The following ZNF624 variants were observed in gnomAD, a reference collection of about 807,000 sequenced individuals.
ZNF624 encodes zinc finger protein 624.
In ZNF624, 43 loss-of-function variants were observed where a neutral mutation model predicts 74.7. The ratio of observed to expected loss-of-function variants is 0.58; its 90% confidence interval spans 0.45 to 0.74. The LOEUF is 0.74. ZNF624 is among the 30% of genes least tolerant of loss of function. The pLI is 0.00. For synonymous variants in ZNF624, 331 were observed against 341.3 expected, an observed-to-expected ratio of 0.97 and a Z score of 0.33; for missense variants, 820 against 1,030.0, an observed-to-expected ratio of 0.80 and a Z score of 2.79.
chr17:16,647,513 G>A (rs1357537100), intron 2 of ZNF624, 119 bp from the exon 3 acceptor site: 9 of 747,564 alleles, frequency 1.2e-5, no homozygotes, highest in Non-Finnish European at 2.4e-6. Flanking sequence ...CTCACCTACT[G>A]TTTTACTTAG....
intron 5 of ZNF624, among the ~76,000 whole-genome samples, chr17:16,632,353 A>T (rs1316007005): frequency 6.6e-6 from 1 of 152,200 alleles, no homozygotes; most frequent in Non-Finnish European, 1.5e-5. Context: ...TCTCTCCATT[A>T]AGGCAATCCT....
the ZNF624 span, among the ~76,000 whole-genome samples, chr17:16,615,434 A>T: frequency 1.3e-5 from 2 of 152,198 alleles, no homozygotes; most frequent in African/African-American, 2.4e-5. Context: ...CATTCTGGAG[A>T]TGGATAGTTG....
intron 5 of ZNF624, among the ~76,000 whole-genome samples, chr17:16,627,831 T>C (rs1326198785): frequency 6.6e-6 from 1 of 152,222 alleles, no homozygotes; most frequent in South Asian, 2.1e-4. Context: ...AAGATTGTTA[T>C]AGTCCCTAGC....
downstream of ZNF624, among the ~76,000 whole-genome samples, chr17:16,619,783 C>G (rs1908863738): frequency 6.6e-6 from 1 of 152,238 alleles, no homozygotes; most frequent in Non-Finnish European, 1.5e-5. Context: ...CATTCCTCTT[C>G]TTGAGGCGTT....
At position 16,623,621 on chromosome 17, in the gene ZNF624, CCA is replaced by C; in HGVS notation, c.1263_1264del (p.Cys421TrpfsTer5). 6.2e-7 allele frequency: 1 copy of C among 1,610,998 alleles called. No homozygotes were observed. Among genetic ancestry groups the C allele is most frequent in the Non-Finnish European group, 8.5e-7 (1 of 1,178,988 alleles). ...ATATGACTTGTTCCTAAAGGCTTTC[CCA>C]CAATCATCACATTTGTAGGGTTTCT... On this transcript the variant is annotated frameshift_variant, in exon 6 of 6. Coordinates refer to ENST00000311331, the MANE Select transcript of ZNF624 (RefSeq NM_020787.4). LOFTEE classifies it high-confidence loss of function. This position sits in a 1 kb window ranked among gnomAD's most constrained non-coding sequence, Gnocchi z 5.3.
At chr17:16,634,488 T>C (rs1909279232) in intron 4 of ZNF624, 142 bp downstream of exon 4, 2 of 782,330 alleles carry the variant, frequency 2.6e-6, no homozygotes, top group South Asian at 2.2e-5. Context: ...GCAGATCATG[T>C]AGTTAAGAGT....
intron 5 of ZNF624, among the ~76,000 whole-genome samples, chr17:16,632,894 T>C (rs1267084664): frequency 6.6e-6 from 1 of 152,236 alleles, no homozygotes; most frequent in Admixed American, 6.5e-5. Context: ...CCCCTCACTT[T>C]AGTCACAGCA....
chr17:16,633,561 A>G lies in ZNF624; in HGVS notation c.376+301T>C, dbSNP rs529703833. On this transcript the variant is annotated intron_variant, in intron 5 of 5. Transcript: ENST00000311331. Reference sequence around the variant, plus strand: ...TGAGAAACATGAAGTTAACTGGAGAAGACAGACCTGAAAGGGATATTTTAT... The same window carrying G: ...TGAGAAACATGAAGTTAACTGGAGAGGACAGACCTGAAAGGGATATTTTAT... 2.0e-5 allele frequency among the ~76,000 whole-genome samples: 3 copies of G among 152,352 alleles called. No homozygotes were observed. In the South Asian group the frequency reaches 6.2e-4, roughly 32 times the overall value.
At chr17:16,643,298 A>C (rs1909509911) in intron 3 of ZNF624, among the ~76,000 whole-genome samples, 1 of 152,260 alleles carries the variant, frequency 6.6e-6, no homozygotes, top group Admixed American at 6.5e-5. Context: ...CAAACGGATA[A>C]GTGATATGGA....
rs761439207 is a variant in ZNF624 at position 16,622,337 on chromosome 17, C to T, written c.2549G>A (p.Ser850Asn). Residue 850 changes from serine to asparagine, a missense_variant, in exon 6 of 6, where the codon AGC (serine) becomes AAC (asparagine). Ser to Asn is a conservative substitution (Grantham distance 46). Transcript: ENST00000311331. Reference sequence around the variant, plus strand: ...ATGTATTCTTTGATGTACAGTAAGGCTCGAACTACTCCTGAAGGCTTTTCC... The same window carrying T: ...ATGTATTCTTTGATGTACAGTAAGGTTCGAACTACTCCTGAAGGCTTTTCC... ...ECGKAFRSSS[S>N]LTVHQRIHQR... 5.0e-6 allele frequency: 8 copies of T among 1,608,770 alleles called. No individual in the cohort carries two copies.
chr17:16,649,599 C>A (rs28626982), intron 2 of ZNF624, 59 bp downstream of exon 2: 296,268 of 1,499,036 alleles, frequency 0.2, 31,537 homozygotes, highest in East Asian at 0.36. Flanking sequence ...AGCCTTCAGG[C>A]AAAGTAAACA....
intron 5 of ZNF624, among the ~76,000 whole-genome samples, chr17:16,627,075 G>T (rs1050290958): frequency 6.6e-6 from 1 of 151,936 alleles, no homozygotes; most frequent in Non-Finnish European, 1.5e-5. Flanking sequence ...AAATAAAAAA[G>T]AAGAAGAAAA....
Position 16,634,732 on chromosome 17 carries a change from C to T in ZNF624, c.178G>A (p.Ala60Thr). 1 of 1,613,444 alleles carries T rather than the reference C, an allele frequency of 6.2e-7. No homozygotes were observed. ...VKESVTFKDV[A>T]IDFTLEEWRL... is the part of the protein sequence containing the mutation. ...CACTCCTCCAATGTGAAGTCTATAG[C>T]CACATCCTTAAATGTCACCGATTCC... The change falls in exon 4 of 6, where the codon GCT (alanine) becomes ACT (threonine). Residue 60 changes from alanine to threonine, a missense_variant. Physicochemically the swap from Ala to Thr is moderately conservative, Grantham distance 58 (BLOSUM62 0). Transcript: ENST00000311331.
chr17:16,650,833 C>T (rs1476473591), intron 1 of ZNF624, among the ~76,000 whole-genome samples: 1 of 152,146 alleles, frequency 6.6e-6, no homozygotes, highest in Non-Finnish European at 1.5e-5. Flanking sequence ...CATGTGGAAT[C>T]TGCTCCTTCC....
chr17:16,633,996 T>C (rs1336775236), intron 4 of ZNF624, 39 bp from the exon 5 acceptor site: 1 of 1,557,764 alleles, frequency 6.4e-7, no homozygotes, highest in Non-Finnish European at 8.8e-7. Flanking sequence ...ATTGGAGCCA[T>C]GAGCAAGAAC....
At position 16,622,884 on chromosome 17, in the gene ZNF624, A is replaced by G. The variant is rs1341299852; in HGVS notation, c.2002T>C (p.Tyr668His). 1 of 1,613,938 alleles carries G rather than the reference A, an allele frequency of 6.2e-7. No homozygotes were observed. Among genetic ancestry groups the G allele is most frequent in the Non-Finnish European group, 8.5e-7 (1 of 1,179,922 alleles). ...GCTTTCTCACATTCATTACATTTATATGGTTTTTCTCCAGTATGGGTCCTC... is the reference window on the plus strand; with the variant it reads ...GCTTTCTCACATTCATTACATTTATGTGGTTTTTCTCCAGTATGGGTCCTC... Reference protein sequence around the residue: ...HQRTHTGEKPYKCNECEKAFT... With the variant: ...HQRTHTGEKPHKCNECEKAFT... The change falls in exon 6 of 6, where the codon TAT becomes CAT. Residue 668 changes from tyrosine to histidine, a missense_variant. By Grantham distance (83) the Tyr-to-His change is moderately conservative. Transcript: ENST00000311331.
chr17:16,618,418 T>C (rs1908835086), downstream of ZNF624, among the ~76,000 whole-genome samples: 1 of 152,206 alleles, frequency 6.6e-6, no homozygotes, highest in Non-Finnish European at 1.5e-5. Context: ...TTCATGTTTA[T>C]AACTTCACTT....
intron 1 of ZNF624, among the ~76,000 whole-genome samples, chr17:16,652,168 C>T (rs1393627248): frequency 6.6e-6 from 1 of 152,062 alleles, no homozygotes; most frequent in Non-Finnish European, 1.5e-5. Context: ...GGTACGGACC[C>T]ATCTGAGAAT....
downstream of ZNF624, chr17:16,617,612 T>A (rs545427528): frequency 7.5e-6 from 12 of 1,595,218 alleles, no homozygotes; most frequent in South Asian, 1.2e-4. Flanking sequence ...GACTGCTGTA[T>A]CCACCTCCAC....
Sources: allele counts gnomAD v4.1 joint callset (sites outside exome capture counted in the v4.1 genomes callset), GRCh38; gene constraint gnomAD v4.1.1; non-coding constraint Gnocchi (gnomAD v3.1); transcripts MANE v1.5; gene names NCBI Gene and HGNC (gene_info 2026-07-23, HGNC 2026-07-21).